The following RABGAP1L variants were observed in gnomAD, a reference collection of about 807,000 sequenced individuals.
RABGAP1L encodes rab GTPase-activating protein 1-like.
In RABGAP1L, 63 loss-of-function variants were observed where a neutral mutation model predicts 137.7. The ratio of observed to expected loss-of-function variants is 0.46; its 90% confidence interval spans 0.37 to 0.56. The LOEUF is 0.56. Ranked by LOEUF, RABGAP1L falls within the 20% of genes least tolerant of loss-of-function variation. The pLI, the probability that RABGAP1L is intolerant of heterozygous loss-of-function variation, is 0.00. For missense variants in RABGAP1L, 1,095 were observed against 1,244.0 expected (o/e 0.88, Z 1.80); for synonymous variants, 431 against 433.7 (o/e 0.99, Z 0.08).
At chr1:174,531,791 G>T (rs1359300585) in intron 13 of RABGAP1L, among the ~76,000 whole-genome samples, 1 of 151,876 alleles carries the variant, frequency 6.6e-6, no homozygotes, top group South Asian at 2.1e-4. Flanking sequence ...TTGAGTAATT[G>T]TGGAACCCTA....
At chr1:174,267,362 T>C (rs2148648752) in intron 7 of RABGAP1L, among the ~76,000 whole-genome samples, 1 of 152,278 alleles carries the variant, frequency 6.6e-6, no homozygotes, top group Non-Finnish European at 1.5e-5. Flanking sequence ...CTTATGGAGA[T>C]GTAGAATAAA....
At chr1:174,835,204 T>G (rs1358612873) in intron 19 of RABGAP1L, among the ~76,000 whole-genome samples, 2 of 152,174 alleles carry the variant, frequency 1.3e-5, no homozygotes, top group African/African-American at 4.8e-5. Context: ...TTTTCTGAGC[T>G]GAGGAAGTCA....
intron 18 of RABGAP1L, among the ~76,000 whole-genome samples, chr1:174,808,327 G>A (rs187340995): frequency 3.8e-4 from 58 of 152,078 alleles, no homozygotes; most frequent in African/African-American, 1.3e-3. Context: ...GGTGGCACAC[G>A]CATGTAGTCC....
At chr1:174,496,966 T>C (rs1660791143) in intron 13 of RABGAP1L, among the ~76,000 whole-genome samples, 1 of 152,218 alleles carries the variant, frequency 6.6e-6, no homozygotes, top group Non-Finnish European at 1.5e-5. Context: ...TGAAATTATA[T>C]ATTTCTTGAA....
At chr1:174,238,356 A>T (rs1466207931) in intron 4 of RABGAP1L, among the ~76,000 whole-genome samples, 1 of 151,888 alleles carries the variant, frequency 6.6e-6, no homozygotes, top group African/African-American at 2.4e-5. Flanking sequence ...TGCGTTTTAG[A>T]GTTTCCAGTT....
chr1:174,601,554 G>T (rs899490391), intron 13 of RABGAP1L, among the ~76,000 whole-genome samples: 1 of 152,118 alleles, frequency 6.6e-6, no homozygotes, highest in Non-Finnish European at 1.5e-5. Flanking sequence ...TAAATGACGA[G>T]TTAATGGGTG....
At chr1:174,736,489 T>C (rs1329508676) in intron 17 of RABGAP1L, among the ~76,000 whole-genome samples, 5 of 152,186 alleles carry the variant, frequency 3.3e-5, no homozygotes, top group African/African-American at 1.2e-4. Context: ...TTTTCCAGGC[T>C]GAGGATTCAA....
chr1:174,418,170 A>C (rs2149154201), intron 13 of RABGAP1L, among the ~76,000 whole-genome samples: 1 of 152,236 alleles, frequency 6.6e-6, no homozygotes, highest in South Asian at 2.1e-4. Flanking sequence ...GGTGTATGTG[A>C]GGCAATGGAT....
intron 13 of RABGAP1L, among the ~76,000 whole-genome samples, chr1:174,483,995 AGTG>A (rs1275761045): frequency 6.6e-6 from 1 of 152,064 alleles, no homozygotes; most frequent in Non-Finnish European, 1.5e-5. Context: ...TGTTCTCCAT[AGTG>A]GTTGTACTAA....
intron 11 of RABGAP1L, among the ~76,000 whole-genome samples, chr1:174,338,042 G>T (rs1681634310): frequency 6.6e-6 from 1 of 152,036 alleles, no homozygotes; most frequent in African/African-American, 2.4e-5. Context: ...AAGTGCTGTG[G>T]GACTAATTAA....
intron 10 of RABGAP1L, among the ~76,000 whole-genome samples, chr1:174,288,937 C>T (rs1035890287): frequency 1.3e-5 from 2 of 152,094 alleles, no homozygotes; most frequent in Non-Finnish European, 2.9e-5. Context: ...TTAAGTGACT[C>T]ATCTTTGAGT....
chr1:174,931,156 A>G (rs1663729228), intron 19 of RABGAP1L, among the ~76,000 whole-genome samples: 1 of 152,188 alleles, frequency 6.6e-6, no homozygotes, highest in Non-Finnish European at 1.5e-5. Context: ...ACTGTGGGTG[A>G]TGGGAATGAA....
chr1:174,949,084 T>C (rs1387190077), intron 19 of RABGAP1L, among the ~76,000 whole-genome samples: 1 of 152,222 alleles, frequency 6.6e-6, no homozygotes, highest in Non-Finnish European at 1.5e-5. Flanking sequence ...GATAGTTTTA[T>C]GTACTTTCTG....
intron 19 of RABGAP1L, among the ~76,000 whole-genome samples, chr1:174,812,926 A>T (rs1208758517): frequency 6.6e-6 from 1 of 152,204 alleles, no homozygotes; most frequent in East Asian, 1.9e-4. Flanking sequence ...AGACTGCCTC[A>T]TGCCTGGGTG....
At chr1:174,330,840 T>G (rs1680969250) in intron 11 of RABGAP1L, among the ~76,000 whole-genome samples, 1 of 152,016 alleles carries the variant, frequency 6.6e-6, no homozygotes, top group African/African-American at 2.4e-5. Context: ...AAAAAAAAAT[T>G]TAAATTCATA....
At chr1:174,877,424 G>A in intron 19 of RABGAP1L, 1 of 1,597,784 alleles carries the variant, frequency 6.3e-7, no homozygotes, top group Non-Finnish European at 8.5e-7. Context: ...AGCTGCAGTA[G>A]GATTTTTCCT....
intron 11 of RABGAP1L, among the ~76,000 whole-genome samples, chr1:174,368,214 G>T (rs1045519089): frequency 6.6e-6 from 1 of 152,120 alleles, no homozygotes; most frequent in Admixed American, 6.5e-5. Context: ...GTGTTCTCTG[G>T]AATACTCTTG....
chr1:174,617,299 G>A (rs529078376), intron 13 of RABGAP1L, among the ~76,000 whole-genome samples: 1 of 152,242 alleles, frequency 6.6e-6, no homozygotes, highest in East Asian at 1.9e-4. Context: ...AAAATCTGTA[G>A]CAGAAACAGC....
intron 11 of RABGAP1L, among the ~76,000 whole-genome samples, chr1:174,364,954 C>G (rs898783864): frequency 1.3e-5 from 2 of 152,148 alleles, no homozygotes; most frequent in African/African-American, 4.8e-5. Context: ...TGAGGCCTCA[C>G]GACTCTGCCC....
Sources: gnomAD v4.1 joint callset for allele counts (sites outside exome capture counted in the v4.1 genomes callset) on GRCh38, gnomAD v4.1.1 for gene constraint, MANE v1.5 for transcripts, NCBI Gene and HGNC (gene_info 2026-07-23, HGNC 2026-07-21) for gene names.